The following KCNIP4 variants were observed in gnomAD, a reference collection of about 807,000 sequenced individuals.
The protein encoded by KCNIP4 is Kv channel-interacting protein 4.
Under a neutral mutation model 34.0 loss-of-function variants are expected in KCNIP4, and 12 were observed. The ratio of observed to expected loss-of-function variants is 0.35; its 90% CI spans 0.23 to 0.57. The LOEUF (loss-of-function observed/expected upper bound fraction) is 0.57. KCNIP4 is among the 20% of genes least tolerant of loss of function. KCNIP4 has a pLI of 0.83. For synonymous variants in KCNIP4, 124 were observed against 102.2 expected, an observed-to-expected ratio of 1.21 and a Z score of -1.29; for missense variants, 238 against 311.7, an observed-to-expected ratio of 0.76 and a Z score of 1.78.
intron 1 of KCNIP4, among the ~76,000 whole-genome samples, chr4:21,466,084 T>C (rs1439357406): frequency 6.6e-6 from 1 of 152,128 alleles, no homozygotes; most frequent in East Asian, 1.9e-4. Flanking sequence ...AACACACAAG[T>C]TCACTATGCT....
chr4:21,660,625 A>G (rs1354281488), intron 1 of KCNIP4, among the ~76,000 whole-genome samples: 2 of 152,110 alleles, frequency 1.3e-5, no homozygotes, highest in African/African-American at 4.8e-5. Flanking sequence ...AACAGCAAGA[A>G]ATGAGAAAGA....
At chr4:21,912,718 T>C (rs1728406356) in intron 1 of KCNIP4, among the ~76,000 whole-genome samples, 1 of 151,906 alleles carries the variant, frequency 6.6e-6, no homozygotes, top group South Asian at 2.1e-4. Context: ...GCAAGGCCAG[T>C]GTGACTAAAG....
At chr4:21,084,966 T>C (rs1235474299) in intron 1 of KCNIP4, among the ~76,000 whole-genome samples, 1 of 149,886 alleles carries the variant, frequency 6.7e-6, no homozygotes, top group Non-Finnish European at 1.5e-5. Flanking sequence ...TACACACTCA[T>C]ATTACACTTA....
intron 3 of KCNIP4, among the ~76,000 whole-genome samples, chr4:20,762,812 A>T (rs182163410): frequency 2.0e-5 from 3 of 152,324 alleles, no homozygotes; most frequent in Admixed American, 1.3e-4. Context: ...CCACACTGCT[A>T]TAAAGAACTG....
chr4:21,483,444 C>A (rs1161157406), intron 1 of KCNIP4, among the ~76,000 whole-genome samples: 2 of 151,508 alleles, frequency 1.3e-5, no homozygotes, highest in African/African-American at 4.8e-5. Flanking sequence ...CGATTTAGTA[C>A]CATCCCTCTA....
intron 1 of KCNIP4, among the ~76,000 whole-genome samples, chr4:21,617,387 A>G (rs534794271): frequency 1.8e-4 from 27 of 152,192 alleles, no homozygotes; most frequent in Non-Finnish European, 3.2e-4. Flanking sequence ...TATGTCAAAG[A>G]GGAAAAACAC....
intron 1 of KCNIP4, among the ~76,000 whole-genome samples, chr4:21,854,782 C>T (rs1016166231): frequency 1.3e-5 from 2 of 152,220 alleles, no homozygotes; most frequent in Non-Finnish European, 2.9e-5. Flanking sequence ...GACATGGCCA[C>T]TTGGATCTCC....
In KCNIP4 at chr4:21,070,257, C is replaced by A. The variant is rs867875247; in HGVS notation, c.62-187548G>T. Among the ~76,000 whole-genome samples the A allele has an allele frequency of 2.6e-5, 4 of 152,078 alleles. No homozygotes were observed. The South Asian group carries it at 8.3e-4, about 31-fold the overall frequency. ...CTCACCCACTGAGGCATATTTTGGT[C>A]TTGTTTTTGGCGATTAAAAATAAAC... On this transcript the variant is annotated intron_variant, in intron 1 of 8. Coordinates refer to ENST00000382152, the MANE Select transcript of KCNIP4 (RefSeq NM_025221.6).
intron 1 of KCNIP4, among the ~76,000 whole-genome samples, chr4:20,956,737 C>G (rs1278228365): frequency 6.6e-6 from 1 of 152,052 alleles, no homozygotes; most frequent in Non-Finnish European, 1.5e-5. Context: ...TTTAAGCATC[C>G]TAACAGCCAA....
At chr4:21,668,807 AAC>A (rs1749233777) in intron 1 of KCNIP4, among the ~76,000 whole-genome samples, 1 of 148,380 alleles carries the variant, frequency 6.7e-6, no homozygotes, top group Admixed American at 7.0e-5. Flanking sequence ...TAAATAAATA[AAC>A]ACAGTGAGAA....
At chr4:21,835,428 ACT>A (rs1327594317) in intron 1 of KCNIP4, among the ~76,000 whole-genome samples, 1 of 152,130 alleles carries the variant, frequency 6.6e-6, no homozygotes. Context: ...ATTATATATA[ACT>A]ACTAACTTCT....
chr4:21,113,668 A>G (rs573581830), intron 1 of KCNIP4, among the ~76,000 whole-genome samples: 1 of 152,152 alleles, frequency 6.6e-6, no homozygotes, highest in Non-Finnish European at 1.5e-5. Context: ...ATTAGCAACT[A>G]TTCTGGGATT....
chr4:21,390,427 T>C (rs952680543), intron 1 of KCNIP4, among the ~76,000 whole-genome samples: 2 of 152,246 alleles, frequency 1.3e-5, no homozygotes, highest in African/African-American at 2.4e-5. Context: ...AGGGTTTTTA[T>C]GGTTTTAAGT....
At chr4:21,517,067 G>A (rs1218946348) in intron 1 of KCNIP4, among the ~76,000 whole-genome samples, 3 of 152,142 alleles carry the variant, frequency 2.0e-5, no homozygotes, top group Non-Finnish European at 2.9e-5. Flanking sequence ...GGATGTCAGA[G>A]AAGATCCTCA....
At chr4:21,621,415 G>A (rs1391034387) in intron 1 of KCNIP4, among the ~76,000 whole-genome samples, 1 of 152,150 alleles carries the variant, frequency 6.6e-6, no homozygotes, top group Non-Finnish European at 1.5e-5. Flanking sequence ...AGGCTGGAGT[G>A]ACGTGGTGTG....
chr4:21,159,412 G>A lies in KCNIP4; in HGVS notation c.62-276703C>T, dbSNP rs1412124450. Among the ~76,000 whole-genome samples, 2 of 19,010 alleles carry A rather than the reference G, an allele frequency of 1.1e-4. 1 individual carries two copies. Among genetic ancestry groups the A allele is most frequent in the Non-Finnish European group, 2.2e-4 (2 of 9,162 alleles). The allele number at this position is 19,010 out of a possible 152,430, so 12.5% of individuals were successfully genotyped here. On this transcript the variant is annotated intron_variant, in intron 1 of 8. Coordinates refer to ENST00000382152, the MANE Select transcript of KCNIP4 (RefSeq NM_025221.6). ...TTGAGGGGGAGGAGCCAAGATGGCC[G>A]AATAGGAACAGCTCCGGTCTACAGC...
chr4:21,745,397 G>T (rs1223254473), intron 1 of KCNIP4, among the ~76,000 whole-genome samples: 1 of 152,084 alleles, frequency 6.6e-6, no homozygotes, highest in Non-Finnish European at 1.5e-5. Flanking sequence ...TGAAATAGAA[G>T]ATTTGTTTTA....
intron 3 of KCNIP4, among the ~76,000 whole-genome samples, chr4:20,847,464 G>A (rs1720514133): frequency 1.3e-5 from 2 of 152,188 alleles, no homozygotes; most frequent in African/African-American, 4.8e-5. Flanking sequence ...CCAGGAATCT[G>A]TGTCTTGACA....
chr4:21,370,852 C>CAT (rs1720350104), intron 1 of KCNIP4, among the ~76,000 whole-genome samples: 1 of 23,994 alleles, frequency 4.2e-5, no homozygotes, highest in Non-Finnish European at 7.1e-5. Flanking sequence ...TATATATATA[C>CAT]ACACACACAC....
Sources: allele counts gnomAD v4.1 joint callset (sites outside exome capture counted in the v4.1 genomes callset), GRCh38; gene constraint gnomAD v4.1.1; transcripts MANE v1.5; gene names NCBI Gene and HGNC (gene_info 2026-07-23, HGNC 2026-07-21).